Variants in SUZ12 observed in about 807,000 individuals in gnomAD.
SUZ12 encodes polycomb protein SUZ12.
Under a neutral mutation model 87.3 loss-of-function variants are expected in SUZ12, and 17 were observed. That is an observed-to-expected ratio of 0.19 (90% CI 0.13 to 0.29). SUZ12 has a LOEUF of 0.29. Among genes scored for constraint, SUZ12 ranks in the 10% least tolerant of loss-of-function variants. The pLI, the probability that SUZ12 is intolerant of heterozygous loss-of-function variation, is 1.00. For synonymous variants in SUZ12, 253 were observed against 312.4 expected, an observed-to-expected ratio of 0.81 and a Z score of 2.01; for missense variants, 526 against 912.2, an observed-to-expected ratio of 0.58 and a Z score of 5.45.
intron 4 of SUZ12, chr17:31,963,910 G>A (rs114041107): frequency 0.073 from 11,096 of 151,504 alleles, no homozygotes; most frequent in African/African-American, 0.23. Flanking sequence ...GATTTGGCGC[G>A]TTCGGGGTGG....
intron 8 of SUZ12, 137 bp downstream of exon 8, chr17:31,976,751 A>C: frequency 1.5e-6 from 1 of 660,778 alleles, no homozygotes. Flanking sequence ...ACAAATTTGC[A>C]AACACTGAAT....
At position 31,993,266 on chromosome 17, in the gene SUZ12, A is replaced by G. The variant is rs1598189141; in HGVS notation, c.1226A>G (p.Asp409Gly). 2 of 1,583,110 alleles carry G rather than the reference A, an allele frequency of 1.3e-6. No homozygotes were observed. The highest frequency in any genetic ancestry group is 2.4e-5 in the South Asian group (2 of 84,846). Residue 409 changes from aspartate (D) to glycine (G), a missense_variant, in exon 11 of 16, where the codon GAT becomes GGT. By Grantham distance (94) the Asp-to-Gly change is moderately conservative (BLOSUM62 -1). Coordinates refer to ENST00000322652, the MANE Select transcript of SUZ12 (RefSeq NM_015355.4). ...GCTGTTAAAGAATCATTGACTACAG[A>G]TCTACAAACAAGAAAAGAAAAGGAT... Reference protein sequence around the residue: ...TIAVKESLTTDLQTRKEKDTP... With the variant: ...TIAVKESLTTGLQTRKEKDTP...
At position 31,950,544 on chromosome 17, in the gene SUZ12, C is replaced by T. The variant is rs1598151875; in HGVS notation, c.455+2859C>T. 5.9e-5 allele frequency among the ~76,000 whole-genome samples: 9 copies of T among 151,980 alleles called. No individual in the cohort carries two copies. The South Asian group carries it at 1.5e-3, about 25-fold the overall frequency. On this transcript the variant is annotated intron_variant, in intron 4 of 15. Coordinates refer to ENST00000322652, the MANE Select transcript of SUZ12 (RefSeq NM_015355.4). ...ACAAAAAACACAAAAATCAGCCAGG[C>T]GAGGTGGTGTACACCTGTAATTCCA...
At chr17:31,990,616 C>T (rs1225968011) in intron 10 of SUZ12, among the ~76,000 whole-genome samples, 4 of 152,026 alleles carry the variant, frequency 2.6e-5, no homozygotes, top group Admixed American at 6.6e-5. Flanking sequence ...CCACCCATCT[C>T]GGCCTCCCAA....
At chr17:31,997,051 T>C (rs1598192342) in intron 15 of SUZ12, among the ~76,000 whole-genome samples, 174 bp downstream of exon 15, 1 of 152,162 alleles carries the variant, frequency 6.6e-6, no homozygotes. Flanking sequence ...TTTTTTTAGG[T>C]ACAAAGACGT....
Position 31,997,666 on chromosome 17 carries a change from C to CAAAAAAAAAA in SUZ12, c.1874+801_1874+810dup, listed in dbSNP as rs892389046. Among the ~76,000 whole-genome samples, 84 of 70,396 alleles carry CAAAAAAAAAA rather than the reference C, an allele frequency of 1.2e-3. 1 individual carries two copies. Among genetic ancestry groups the CAAAAAAAAAA allele is most frequent in the African/African-American group, 3.8e-3 (80 of 20,890 alleles). 46.2% of individuals were successfully genotyped at this position (70,396 alleles called of 152,430 possible). A position where few individuals can be genotyped will look rare whatever the true frequency, so the allele number is the denominator to read the frequency against. On this transcript the variant is annotated intron_variant, in intron 15 of 15. Transcript: ENST00000322652. ...GGGCAACAGAGTGAGACCCTATCTC[C>CAAAAAAAAAA]AAAAAAAAAAAAAAAAAAAAAGGCC... is the stretch of plus-strand genomic sequence containing the variant.
At chr17:31,968,333 ATCC>A (rs1232954245) in intron 5 of SUZ12, among the ~76,000 whole-genome samples, 1 of 151,956 alleles carries the variant, frequency 6.6e-6, no homozygotes, top group Non-Finnish European at 1.5e-5. Flanking sequence ...GGCTCAAGTG[ATCC>A]TCCTGCCTCA....
chr17:31,959,635 A>G (rs1469600721), intron 4 of SUZ12, among the ~76,000 whole-genome samples: 3 of 152,228 alleles, frequency 2.0e-5, no homozygotes, highest in Non-Finnish European at 4.4e-5. Flanking sequence ...CCATGCCCTT[A>G]AAATGAAGCC....
intron 5 of SUZ12, among the ~76,000 whole-genome samples, chr17:31,971,125 T>G (rs1433386274): frequency 6.6e-6 from 1 of 152,206 alleles, no homozygotes; most frequent in African/African-American, 2.4e-5. Context: ...TTGATTTTTG[T>G]TATCCCATTT....
intron 14 of SUZ12, 78 bp downstream of exon 14, chr17:31,995,840 T>A: frequency 9.3e-7 from 1 of 1,074,856 alleles, no homozygotes; most frequent in Non-Finnish European, 1.3e-6. Flanking sequence ...GAACTAGACT[T>A]TTATTGTAAA....
chr17:31,944,419 C>T (rs1906493156), intron 3 of SUZ12, among the ~76,000 whole-genome samples: 1 of 152,168 alleles, frequency 6.6e-6, no homozygotes, highest in South Asian at 2.1e-4. Context: ...TGAAACACCA[C>T]GTCCTGCTAA....
intron 4 of SUZ12, among the ~76,000 whole-genome samples, chr17:31,948,247 A>C (rs1373155217): frequency 6.6e-6 from 1 of 152,210 alleles, no homozygotes; most frequent in East Asian, 1.9e-4. Context: ...ATATATACCT[A>C]GAACGAATCC....
intron 4 of SUZ12, among the ~76,000 whole-genome samples, chr17:31,962,863 G>A (rs1471263329): frequency 2.0e-5 from 3 of 152,216 alleles, no homozygotes. Context: ...AAGTTAATCT[G>A]GTCTTAGTAT....
intron 1 of SUZ12, among the ~76,000 whole-genome samples, chr17:31,939,660 A>G (rs1326619387): frequency 1.3e-5 from 2 of 151,958 alleles, no homozygotes; most frequent in Admixed American, 6.6e-5. Context: ...AGTAGCTGGG[A>G]TTACAGGCAT....
chr17:31,942,700 A>G (rs1598146240), intron 3 of SUZ12, among the ~76,000 whole-genome samples: 2 of 152,304 alleles, frequency 1.3e-5, no homozygotes, highest in East Asian at 3.9e-4. Flanking sequence ...TTTTTTAAAA[A>G]CAATGAAGTC....
intron 9 of SUZ12, 74 bp from the exon 10 acceptor site, chr17:31,988,245 AT>A (rs1330423925): frequency 8.6e-6 from 12 of 1,390,740 alleles, no homozygotes; most frequent in African/African-American, 1.5e-5. Flanking sequence ...CTTATAATGA[AT>A]TTTTTTTAAT....
chr17:31,976,138 C>CGATGATTTAATTTAATCGAAG (rs1908737994), intron 7 of SUZ12, among the ~76,000 whole-genome samples: 1 of 152,026 alleles, frequency 6.6e-6, no homozygotes, highest in African/African-American at 2.4e-5. Flanking sequence ...TGAAATATAT[C>CGATGATTTAATTTAATCGAAG]ATTGCAGCAA....
chr17:31,969,885 A>T (rs1051566989), intron 5 of SUZ12, among the ~76,000 whole-genome samples: 8 of 152,112 alleles, frequency 5.3e-5, no homozygotes, highest in South Asian at 2.1e-4. Flanking sequence ...GGAAAAAAAA[A>T]TTTTTAATTC....
At chr17:31,943,148 A>G (rs764193910) in intron 3 of SUZ12, among the ~76,000 whole-genome samples, 37 of 152,230 alleles carry the variant, frequency 2.4e-4, no homozygotes, top group Non-Finnish European at 4.0e-4. Context: ...ATTGCTGAGC[A>G]CCTAAGTAAC....
Sources: gnomAD v4.1 joint callset for allele counts (sites outside exome capture counted in the v4.1 genomes callset) on GRCh38, gnomAD v4.1.1 for gene constraint, MANE v1.5 for transcripts, NCBI Gene and HGNC (gene_info 2026-07-23, HGNC 2026-07-21) for gene names.